MED13L: variants seen among roughly 807,000 people sequenced by gnomAD.
MED13L encodes the protein mediator of RNA polymerase II transcription subunit 13-like.
A neutral mutation model predicts 220.9 loss-of-function variants in MED13L; 7 were observed. The observed-to-expected ratio is 0.03, with a 90% CI of 0.02 to 0.06. The LOEUF (loss-of-function observed/expected upper bound fraction) is 0.06, where lower values mean the gene tolerates loss of function less well. Ranked by LOEUF, MED13L falls within the 10% of genes least tolerant of loss-of-function variation. The probability of loss-of-function intolerance (pLI) is 1.00; values close to 1 mark genes in which losing one functional copy is unlikely to be tolerated. For synonymous variants in MED13L, 1,011 were observed against 1,015.2 expected, an observed-to-expected ratio of 1.00 and a Z score of 0.08; for missense variants, 1,965 against 2,760.5, an observed-to-expected ratio of 0.71 and a Z score of 6.46.
At chr12:116,092,587 T>C (rs1379791098) in intron 4 of MED13L, among the ~76,000 whole-genome samples, 1 of 152,352 alleles carries the variant, frequency 6.6e-6, no homozygotes, top group Admixed American at 6.5e-5. Context: ...GAGTTAATAA[T>C]GTATTGTTAC....
chr12:116,055,656 A>G (rs112204451), intron 4 of MED13L, among the ~76,000 whole-genome samples: 2 of 152,144 alleles, frequency 1.3e-5, no homozygotes, highest in Non-Finnish European at 2.9e-5. Context: ...GCACTTTGGG[A>G]GGCTGAGGTG....
At chr12:116,078,732 T>A (rs898014820) in intron 4 of MED13L, among the ~76,000 whole-genome samples, 2 of 152,196 alleles carry the variant, frequency 1.3e-5, no homozygotes, top group African/African-American at 4.8e-5. Context: ...ATACTAATTA[T>A]CTGGTCCTTT....
chr12:115,982,601 A>G lies in MED13L; in HGVS notation c.4958T>C (p.Val1653Ala). The change falls in exon 22 of 31, where the codon GTT becomes GCT. Residue 1653 changes from valine to alanine, a missense_variant and splice_region_variant. Physicochemically the swap from Val to Ala is moderately conservative, Grantham distance 64. Coordinates refer to ENST00000281928, the MANE Select transcript of MED13L (RefSeq NM_015335.5). ...AATTCCTATTCTCTCCCTTTCTGTA[A>G]CACTGGAGAGAGAGTCACTTGTGAG... ...SQPSQDGQES[V>A]TERERIGIPT... 1 of 1,611,450 alleles carries G rather than the reference A, an allele frequency of 6.2e-7. No individual in the cohort carries two copies. Among genetic ancestry groups the G allele is most frequent in the Non-Finnish European group, 8.5e-7 (1 of 1,177,644 alleles).
At chr12:116,027,674 A>G (rs1411439002) in intron 4 of MED13L, among the ~76,000 whole-genome samples, 1 of 152,116 alleles carries the variant, frequency 6.6e-6, no homozygotes, top group East Asian at 1.9e-4. Context: ...TCCATGTGTC[A>G]TATTTGGTGC....
At chr12:116,050,260 T>C (rs897906036) in intron 4 of MED13L, among the ~76,000 whole-genome samples, 5 of 152,192 alleles carry the variant, frequency 3.3e-5, no homozygotes, top group Non-Finnish European at 5.9e-5. Flanking sequence ...AGGACAAGTA[T>C]ATACATTTAG....
intron 1 of MED13L, among the ~76,000 whole-genome samples, chr12:116,257,969 A>T (rs55764983): frequency 0.059 from 8,969 of 152,268 alleles, 337 homozygotes; most frequent in South Asian, 0.098. Context: ...ATGAAACTTT[A>T]AAAAAACGTA....
rs151197993 is a variant in MED13L, at chr12:116,140,377, T to C, written c.311-28865A>G. Among the ~76,000 whole-genome samples, 512 of 152,346 alleles carry C rather than the reference T, an allele frequency of 3.4e-3. 1 individual carries two copies. Among genetic ancestry groups the C allele is most frequent in the African/African-American group, 0.01 (433 of 41,580 alleles). On this transcript the variant is annotated intron_variant, in intron 2 of 30. Coordinates refer to ENST00000281928, the MANE Select transcript of MED13L (RefSeq NM_015335.5). ...GGATACATTAAACATTCAATGACTA[T>C]TGAATCTATCTTCAGGATTCATTAC...
At chr12:116,165,259 C>CTTTTTTTTT (rs34196219) in intron 2 of MED13L, among the ~76,000 whole-genome samples, 37 of 74,492 alleles carry the variant, frequency 5.0e-4, no homozygotes, top group African/African-American at 1.9e-3. Flanking sequence ...AGGCACCATC[C>CTTTTTTTTT]TTTTTTTTTT....
At chr12:116,076,733 T>C (rs56869346) in intron 4 of MED13L, among the ~76,000 whole-genome samples, 22,655 of 152,034 alleles carry the variant, frequency 0.15, 1,892 homozygotes, top group Middle Eastern at 0.21. Context: ...TTTAAAGCTA[T>C]TTTTTTAATC....
At chr12:116,271,482 T>C (rs1346517930) in intron 1 of MED13L, among the ~76,000 whole-genome samples, 2 of 151,690 alleles carry the variant, frequency 1.3e-5, no homozygotes, top group Non-Finnish European at 2.9e-5. Context: ...TAGTCCCAGC[T>C]ACTCGGGAGG....
At chr12:115,966,612 A>G (rs890014657) in intron 28 of MED13L, among the ~76,000 whole-genome samples, 42 of 152,192 alleles carry the variant, frequency 2.8e-4, no homozygotes, top group African/African-American at 9.4e-4. Context: ...CAACCAGCCA[A>G]AGACACACAA....
At chr12:116,007,346 C>T in intron 11 of MED13L, 65 bp downstream of exon 11, 2 of 1,460,378 alleles carry the variant, frequency 1.4e-6, no homozygotes, top group Non-Finnish European at 1.9e-6. Context: ...AGTCTTCCCA[C>T]ACATGTTGTA....
intron 4 of MED13L, among the ~76,000 whole-genome samples, chr12:116,026,499 T>C (rs147783201): frequency 1.3e-5 from 2 of 152,278 alleles, no homozygotes; most frequent in East Asian, 3.9e-4. Context: ...TCCATAGATG[T>C]AAAAGCACCT....
intron 2 of MED13L, among the ~76,000 whole-genome samples, chr12:116,235,552 T>C (rs147255483): frequency 2.6e-5 from 4 of 152,172 alleles, no homozygotes; most frequent in Non-Finnish European, 5.9e-5. Flanking sequence ...CTAACTTAAA[T>C]GTAGTGTTTC....
At chr12:116,033,616 C>T (rs1014569526) in intron 4 of MED13L, among the ~76,000 whole-genome samples, 4 of 152,056 alleles carry the variant, frequency 2.6e-5, no homozygotes, top group Admixed American at 2.0e-4. Flanking sequence ...TTTCAAAGTA[C>T]CTCTGGGTAA....
At chr12:116,199,677 T>C (rs888290446) in intron 2 of MED13L, among the ~76,000 whole-genome samples, 2 of 152,134 alleles carry the variant, frequency 1.3e-5, no homozygotes, top group Non-Finnish European at 2.9e-5. Context: ...CAGGAATCCA[T>C]ACTTTTTAAA....
chr12:116,111,656 G>A lies in MED13L; in HGVS notation c.311-144C>T, dbSNP rs1593057283. The A allele has an allele frequency of 1.8e-5, 12 of 679,316 alleles. No individual in the cohort carries two copies. In the East Asian group the frequency reaches 3.3e-4, roughly 19 times the overall value. The allele number at this position is 679,316 out of a possible 1,614,324, so 42.1% of individuals were successfully genotyped here. A position where few individuals can be genotyped will look rare whatever the true frequency, so the allele number is the denominator to read the frequency against. On this transcript the variant is annotated intron_variant, in intron 2 of 30. Coordinates refer to ENST00000281928, the MANE Select transcript of MED13L (RefSeq NM_015335.5). The stretch of plus-strand genomic sequence containing the variant: ...TAATCTCACGCTGAAACAGAGAGTG[G>A]AATTTAAGTATTTGCCCAAAGTTAG...
chr12:116,011,847 G>A (rs1294227453), intron 9 of MED13L, among the ~76,000 whole-genome samples: 1 of 152,334 alleles, frequency 6.6e-6, no homozygotes, highest in Non-Finnish European at 1.5e-5. Flanking sequence ...CAGGGGAGAA[G>A]AGGAAAACGT....
chr12:116,070,118 C>G lies in MED13L; in HGVS notation c.479+26551G>C, dbSNP rs540087271. 8.5e-5 allele frequency among the ~76,000 whole-genome samples: 13 copies of G among 152,194 alleles called. No individual in the cohort carries two copies. In the East Asian group the frequency reaches 2.3e-3, roughly 27 times the overall value. On this transcript the variant is annotated intron_variant, in intron 4 of 30. Coordinates refer to ENST00000281928, the MANE Select transcript of MED13L (RefSeq NM_015335.5). ...CACTCTTGGCATGATTCATTAAGGG[C>G]TAAAATAGATAAAGTAGCTGCCAGG...
Sources: allele counts gnomAD v4.1 joint callset (sites outside exome capture counted in the v4.1 genomes callset), GRCh38; gene constraint gnomAD v4.1.1; transcripts MANE v1.5; gene names NCBI Gene and HGNC (gene_info 2026-07-23, HGNC 2026-07-21).